PHLDB2: variants seen among roughly 807,000 people sequenced by gnomAD.
PHLDB2 encodes the protein pleckstrin homology-like domain family B member 2.
Under a neutral mutation model 123.6 loss-of-function variants are expected in PHLDB2, and 71 were observed. The ratio of observed to expected loss-of-function variants is 0.57; its 90% CI spans 0.47 to 0.70. The LOEUF (loss-of-function observed/expected upper bound fraction) is 0.70. Among genes scored for constraint, PHLDB2 ranks in the 30% least tolerant of loss-of-function variants. PHLDB2 has a pLI of 0.00. For synonymous variants in PHLDB2, 547 were observed against 541.6 expected (o/e 1.01, Z -0.14); for missense variants, 1,446 against 1,519.5 (o/e 0.95, Z 0.80).
At chr3:111,961,950 G>A (rs1480945984) in intron 12 of PHLDB2, 158 bp from the exon 13 acceptor site, 5 of 683,440 alleles carry the variant, frequency 7.3e-6, no homozygotes, top group Admixed American at 3.0e-5. Context: ...CACTGAGCAC[G>A]GTGCTCTTTC....
intron 16 of PHLDB2, among the ~76,000 whole-genome samples, chr3:111,970,146 T>C (rs778611690): frequency 1.2e-4 from 18 of 152,198 alleles, no homozygotes; most frequent in Non-Finnish European, 2.2e-4. Context: ...AAGTGGTCTA[T>C]GTTACTTCTG....
chr3:111,818,034 A>T (rs185533726), intron 1 of PHLDB2, among the ~76,000 whole-genome samples: 3 of 152,024 alleles, frequency 2.0e-5, no homozygotes, highest in Admixed American at 2.0e-4. Context: ...ACTAATGTTC[A>T]TCTCTGAGAT....
At chr3:111,962,929 C>CA (rs57625439) in intron 13 of PHLDB2, among the ~76,000 whole-genome samples, 1,102 of 93,576 alleles carry the variant, frequency 0.012, 16 homozygotes, top group African/African-American at 0.03. Flanking sequence ...AACTCCATCT[C>CA]AAAAAAAAAA....
At chr3:111,733,112 G>A (rs1941557591) in intron 1 of PHLDB2, among the ~76,000 whole-genome samples, 1 of 152,032 alleles carries the variant, frequency 6.6e-6, no homozygotes, top group South Asian at 2.1e-4. Flanking sequence ...TGTAGTATAT[G>A]GTATAGAATA....
rs2066080433 is a variant in PHLDB2, at chr3:111,884,690, C to T, written c.613C>T (p.Pro205Ser). ...GGGAGCCGCAAGCATGCCTTCAAGCCCAAAGCAAGCCAGGAAAATGAGCAT... is the reference window on the plus strand; with the variant it reads ...GGGAGCCGCAAGCATGCCTTCAAGCTCAAAGCAAGCCAGGAAAATGAGCAT... ...RSGAASMPSS[P>S]KQARKMSIQD... Residue 205 changes from proline (P) to serine (S), a missense_variant, in exon 2 of 18, where the codon CCA (proline) becomes TCA (serine). By Grantham distance (74) the Pro-to-Ser change is moderately conservative. Around this residue, in one of 3 missense-constraint regions of PHLDB2, gnomAD observed 832 missense variants for 831.9 expected, o/e 1.00. Transcript: ENST00000431670. 2.5e-6 allele frequency: 4 copies of T among 1,614,102 alleles called. No individual in the cohort carries two copies. In the African/African-American group the frequency reaches 4.0e-5, roughly 16 times the overall value.
intron 12 of PHLDB2, among the ~76,000 whole-genome samples, chr3:111,955,972 G>A (rs1034231033): frequency 1.3e-5 from 2 of 152,144 alleles, no homozygotes; most frequent in Admixed American, 6.5e-5. Context: ...AGGCTGAGGA[G>A]GGAAGATTGC....
At chr3:111,781,494 T>C (rs1033691276) in intron 1 of PHLDB2, among the ~76,000 whole-genome samples, 4 of 152,120 alleles carry the variant, frequency 2.6e-5, no homozygotes, top group Non-Finnish European at 4.4e-5. Context: ...CCAAACTTAA[T>C]TTGGGGGCTT....
intron 16 of PHLDB2, among the ~76,000 whole-genome samples, chr3:111,970,532 T>G (rs2072102164): frequency 6.6e-6 from 1 of 152,206 alleles, no homozygotes. Context: ...GGTAAACTAG[T>G]GATCAGTACT....
At chr3:111,889,932 G>A (rs771004439) in intron 2 of PHLDB2, among the ~76,000 whole-genome samples, 1 of 152,074 alleles carries the variant, frequency 6.6e-6, no homozygotes, top group Non-Finnish European at 1.5e-5. Flanking sequence ...CAGATGAAAG[G>A]TTTATGGCTT....
chr3:111,944,699 TAGAC>T (rs2070174126), intron 8 of PHLDB2, among the ~76,000 whole-genome samples: 2 of 152,116 alleles, frequency 1.3e-5, no homozygotes, highest in African/African-American at 4.8e-5. Flanking sequence ...TGTTTTTTCT[TAGAC>T]AGAATCTTGC....
At chr3:111,875,624 A>T (rs958647788) in intron 1 of PHLDB2, among the ~76,000 whole-genome samples, 12 of 151,202 alleles carry the variant, frequency 7.9e-5, no homozygotes, top group Non-Finnish European at 1.6e-4. Flanking sequence ...GGAGTTAGAG[A>T]CCAGCTTGGC....
chr3:111,749,115 TAAG>T (rs2059728652), intron 1 of PHLDB2, among the ~76,000 whole-genome samples: 1 of 138,548 alleles, frequency 7.2e-6, no homozygotes, highest in Non-Finnish European at 1.6e-5. Context: ...AAAAAAAAAA[TAAG>T]AAGAATAAAA....
chr3:111,899,223 TTGAG>T (rs2067048831), intron 2 of PHLDB2, among the ~76,000 whole-genome samples: 2 of 152,236 alleles, frequency 1.3e-5, no homozygotes, highest in Admixed American at 1.3e-4. Flanking sequence ...ATCAGAGCTC[TTGAG>T]TGACTAGGTG....
At chr3:111,759,795 C>T (rs988523001) in intron 1 of PHLDB2, among the ~76,000 whole-genome samples, 50 of 152,176 alleles carry the variant, frequency 3.3e-4, no homozygotes, top group Admixed American at 1.5e-3. Flanking sequence ...CAAGAGATGA[C>T]GTCAGATTTT....
intron 1 of PHLDB2, among the ~76,000 whole-genome samples, chr3:111,869,578 C>A (rs2065243304): frequency 6.6e-6 from 1 of 152,194 alleles, no homozygotes; most frequent in South Asian, 2.1e-4. Context: ...TTCTCTCCAG[C>A]CCTGTCACCT....
intron 1 of PHLDB2, among the ~76,000 whole-genome samples, chr3:111,845,370 A>C (rs1479016002): frequency 6.7e-6 from 1 of 149,722 alleles, no homozygotes; most frequent in Non-Finnish European, 1.5e-5. Context: ...AAAAAAAAAA[A>C]AAAAAAAAAA....
At chr3:111,764,327 A>G (rs1396774813) in intron 1 of PHLDB2, among the ~76,000 whole-genome samples, 1 of 152,214 alleles carries the variant, frequency 6.6e-6, no homozygotes, top group Non-Finnish European at 1.5e-5. Flanking sequence ...CAACCACCCT[A>G]CTTGATACAA....
intron 1 of PHLDB2, among the ~76,000 whole-genome samples, chr3:111,819,067 T>C (rs935813354): frequency 2.0e-5 from 3 of 152,164 alleles, no homozygotes; most frequent in African/African-American, 7.2e-5. Context: ...TCTTCCTGGC[T>C]TGTAGATGGC....
At chr3:111,857,757 C>A (rs1251336293), upstream of PHLDB2, among the ~76,000 whole-genome samples, 1 of 152,164 alleles carries the variant, frequency 6.6e-6, no homozygotes, top group Middle Eastern at 3.2e-3. Flanking sequence ...CAACGAGATA[C>A]CATCTCACGC....
Sources: allele counts gnomAD v4.1 joint callset (sites outside exome capture counted in the v4.1 genomes callset), GRCh38; gene constraint gnomAD v4.1.1; regional missense constraint gnomAD v4.1.1; transcripts MANE v1.5; gene names NCBI Gene and HGNC (gene_info 2026-07-23, HGNC 2026-07-21).